KCNC4: variants seen among roughly 807,000 people sequenced by gnomAD.
KCNC4 encodes the protein voltage-gated potassium channel KCNC4.
A neutral mutation model predicts 42.8 loss-of-function variants in KCNC4; 23 were observed. That is an observed-to-expected ratio of 0.54 (90% CI 0.39 to 0.76). The LOEUF (loss-of-function observed/expected upper bound fraction) is 0.76. Among genes scored for constraint, KCNC4 ranks in the 30% least tolerant of loss-of-function variants. The pLI is 0.00. For missense variants in KCNC4, 751 were observed against 898.2 expected, an observed-to-expected ratio of 0.84 and a Z score of 2.10; for synonymous variants, 422 against 393.5, an observed-to-expected ratio of 1.07 and a Z score of -0.86.
downstream of KCNC4, chr1:110,238,818 AACACCTGT>A (rs1390290087): frequency 6.6e-6 from 1 of 152,138 alleles, no homozygotes; most frequent in Non-Finnish European, 1.5e-5. Flanking sequence ...ATCTTTATTA[AACACCTGT>A]GAACTCTGTC....
At chr1:110,255,251 A>G (rs933362977) in intron 1 of KCNC4, among the ~76,000 whole-genome samples, 3 of 152,210 alleles carry the variant, frequency 2.0e-5, no homozygotes, top group Non-Finnish European at 2.9e-5. Context: ...AGAGCTCTGC[A>G]GGGAGTTAAG....
exon 4 of KCNC4, chr1:110,246,133 C>T (rs1308708097): frequency 6.6e-6 from 1 of 152,216 alleles, no homozygotes. Context: ...ATTTCTCTGA[C>T]CTCATGTTAA....
At chr1:110,283,896 A>C (rs1346624832), downstream of KCNC4, among the ~76,000 whole-genome samples, 1 of 152,174 alleles carries the variant, frequency 6.6e-6, no homozygotes, top group African/African-American at 2.4e-5. Flanking sequence ...TTCATATGCT[A>C]TTTCAGGGCA....
chr1:110,213,868 G>A (rs1657639340), intron 1 of KCNC4, among the ~76,000 whole-genome samples: 1 of 152,032 alleles, frequency 6.6e-6, no homozygotes, highest in Non-Finnish European at 1.5e-5. Flanking sequence ...TCGGGGAGGA[G>A]AGATAGAGAT....
chr1:110,260,411 C>T (rs1659404275), intron 1 of KCNC4, among the ~76,000 whole-genome samples: 1 of 152,228 alleles, frequency 6.6e-6, no homozygotes, highest in Non-Finnish European at 1.5e-5. Context: ...TCAGGTTTTT[C>T]TCAATCAACC....
chr1:110,212,863 A>G (rs1329206990), intron 1 of KCNC4, among the ~76,000 whole-genome samples: 1 of 152,136 alleles, frequency 6.6e-6, no homozygotes, highest in East Asian at 1.9e-4. Flanking sequence ...TGAGAGGAGA[A>G]TTAAACACGA....
intron 1 of KCNC4, among the ~76,000 whole-genome samples, chr1:110,258,602 C>T (rs1312927755): frequency 6.6e-6 from 1 of 152,192 alleles, no homozygotes; most frequent in Non-Finnish European, 1.5e-5. Flanking sequence ...GTTGATTTCA[C>T]AATGAGAGAA....
chr1:110,266,425 AG>A (rs1659541347), intron 1 of KCNC4, among the ~76,000 whole-genome samples: 1 of 152,210 alleles, frequency 6.6e-6, no homozygotes, highest in African/African-American at 2.4e-5. Context: ...AATTTCTGCA[AG>A]GTTTTTGGAA....
At chr1:110,254,348 T>C (rs1659296510) in intron 1 of KCNC4, among the ~76,000 whole-genome samples, 1 of 152,176 alleles carries the variant, frequency 6.6e-6, no homozygotes, top group Non-Finnish European at 1.5e-5. Flanking sequence ...CTTGGGAGGA[T>C]GGTCAGGGTC....
downstream of KCNC4, among the ~76,000 whole-genome samples, chr1:110,283,909 T>C (rs150779528): frequency 3.9e-3 from 601 of 152,332 alleles, 6 homozygotes; most frequent in African/African-American, 0.013. Context: ...TCAGGGCACA[T>C]TGGGCTTCTG....
At chr1:110,271,942 AC>A (rs1659643691) in intron 1 of KCNC4, among the ~76,000 whole-genome samples, 1 of 151,274 alleles carries the variant, frequency 6.6e-6, no homozygotes, top group African/African-American at 2.4e-5. Context: ...ACCCATAATT[AC>A]CCCATATTCC....
chr1:110,232,998 G>GCAGA lies in KCNC4; in HGVS notation c.*35_*38dup. The GCAGA allele has an allele frequency of 1.2e-6, 2 of 1,605,638 alleles. No individual in the cohort carries two copies. The highest frequency in any genetic ancestry group is 1.7e-6 in the Non-Finnish European group (2 of 1,176,284). ...AGCGGCACCAACGTGAGAGAGACAG[G>GCAGA]CAGACAGACAGAAAGCCAGAGGCTT... On this transcript the variant is annotated 3_prime_UTR_variant, in exon 4 of 4. Coordinates refer to ENST00000438661, the MANE Select transcript of KCNC4 (RefSeq NM_001039574.3).
intron 1 of KCNC4, among the ~76,000 whole-genome samples, chr1:110,275,700 T>C (rs1050343033): frequency 6.6e-6 from 1 of 152,180 alleles, no homozygotes; most frequent in Admixed American, 6.5e-5. Flanking sequence ...TGGATGTCCC[T>C]GTAATCCCAG....
At chr1:110,252,915 T>G (rs972554408), downstream of KCNC4, among the ~76,000 whole-genome samples, 44 of 152,294 alleles carry the variant, frequency 2.9e-4, no homozygotes, top group Non-Finnish European at 1.2e-4. Context: ...TCAGATAGGC[T>G]AATTATAGGC....
chr1:110,281,200 G>C (rs1190135252), intron 1 of KCNC4, among the ~76,000 whole-genome samples: 2 of 152,180 alleles, frequency 1.3e-5, no homozygotes, highest in Non-Finnish European at 2.9e-5. Flanking sequence ...GGTGCTTGGA[G>C]CGGGGAAGGG....
At chr1:110,274,165 C>A (rs2101088607) in intron 1 of KCNC4, among the ~76,000 whole-genome samples, 1 of 152,126 alleles carries the variant, frequency 6.6e-6, no homozygotes, top group South Asian at 2.1e-4. Context: ...AATCAACATA[C>A]AAAAATCAGT....
At chr1:110,252,924 G>A (rs1659270251), downstream of KCNC4, among the ~76,000 whole-genome samples, 1 of 152,046 alleles carries the variant, frequency 6.6e-6, no homozygotes, top group Non-Finnish European at 1.5e-5. Context: ...CTAATTATAG[G>A]CCAATTATGC....
At position 110,210,512 on chromosome 1, in the gene KCNC4, A is replaced by T. The variant is rs1657373487; in HGVS notation, c.-988A>T. Among the ~76,000 whole-genome samples the T allele has an allele frequency of 6.6e-6, 1 of 151,156 alleles. No homozygotes were observed. Among genetic ancestry groups the T allele is most frequent in the Admixed American group, 6.6e-5 (1 of 15,206 alleles). ...CTCCCAGCGCCGCCAGATCGCAGGA[A>T]CCAGGCGCCGGGGCGTTGCGCTGAG... On this transcript the variant is annotated 5_prime_UTR_variant, in exon 1 of 4. Transcript: ENST00000438661.
chr1:110,255,506 G>A (rs190897992), intron 1 of KCNC4, among the ~76,000 whole-genome samples: 1 of 152,158 alleles, frequency 6.6e-6, no homozygotes, highest in Non-Finnish European at 1.5e-5. Context: ...AGACAGAGCC[G>A]GGTGTATTTT....
Sources: allele counts gnomAD v4.1 joint callset (sites outside exome capture counted in the v4.1 genomes callset), GRCh38; gene constraint gnomAD v4.1.1; transcripts MANE v1.5; gene names NCBI Gene and HGNC (gene_info 2026-07-23, HGNC 2026-07-21).